The following MEX3C variants were observed in gnomAD, a reference collection of about 807,000 sequenced individuals.
MEX3C encodes mex-3 RNA binding family member C, also known as RNA-binding E3 ubiquitin-protein ligase MEX3C.
MEX3C carries 15 observed loss-of-function variants against 35.5 expected under a neutral mutation model. That is an observed-to-expected ratio of 0.42 (90% confidence interval 0.28 to 0.65). The LOEUF (loss-of-function observed/expected upper bound fraction) is 0.65. Among genes scored for constraint, MEX3C ranks in the 30% least tolerant of loss-of-function variants. The probability of loss-of-function intolerance (pLI) is 0.20; values close to 1 mark genes in which losing one functional copy is unlikely to be tolerated. For missense variants in MEX3C, 711 were observed against 842.8 expected, an observed-to-expected ratio of 0.84 and a Z score of 1.94; for synonymous variants, 390 against 352.8, an observed-to-expected ratio of 1.11 and a Z score of -1.18.
At chr18:51,181,500 A>AG (rs1912429293) in intron 1 of MEX3C, among the ~76,000 whole-genome samples, 1 of 66,368 alleles carries the variant, frequency 1.5e-5, no homozygotes, top group Non-Finnish European at 3.3e-5. Flanking sequence ...CAAAAACCTT[A>AG]CAACAATGCT....
At position 51,176,459 on chromosome 18, in the gene MEX3C, G is replaced by A. The variant is rs1421205056; in HGVS notation, c.1872C>T (p.Gly624=). The change falls in exon 2 of 2, where the codon GGC becomes GGT. Residue 624 remains glycine, a synonymous_variant. Transcript: ENST00000406189. ...CACATTCCATGCAGAAGAGGTTGTG[G>A]CCACATGGAACTAGGGCAGCAATAA... is the stretch of plus-strand genomic sequence containing the variant. ...NEVIAALVPC[G]HNLFCMECAN... 1 of 1,613,938 alleles carries A rather than the reference G, an allele frequency of 6.2e-7. No homozygotes were observed. Among genetic ancestry groups the A allele is most frequent in the South Asian group, 1.1e-5 (1 of 91,068 alleles).
At position 51,175,233 on chromosome 18, in the gene MEX3C, G is replaced by A. The variant is rs760273836; in HGVS notation, c.*1118C>T. The A allele has an allele frequency of 1.9e-4, 29 of 152,528 alleles. No homozygotes were observed. The highest frequency in any genetic ancestry group is 3.4e-4 in the Non-Finnish European group (23 of 68,008). 9.4% of individuals were successfully genotyped at this position (152,528 alleles called of 1,614,324 possible). A position where few individuals can be genotyped will look rare whatever the true frequency, so the allele number is the denominator to read the frequency against. On this transcript the variant is annotated 3_prime_UTR_variant, in exon 2 of 2. Transcript: ENST00000406189. ...TAGTAGAAAAACCCACTAGTATAAT[G>A]TTTTGTCCTTTCAATGCCAGCACAG...
At chr18:51,188,189 A>T (rs373698378) in intron 1 of MEX3C, among the ~76,000 whole-genome samples, 1 of 152,196 alleles carries the variant, frequency 6.6e-6, no homozygotes, top group Non-Finnish European at 1.5e-5. Context: ...ACCTTCATTT[A>T]TGTGATTTTA....
intron 1 of MEX3C, among the ~76,000 whole-genome samples, chr18:51,181,975 C>T (rs1344035218): frequency 1.3e-5 from 2 of 151,990 alleles, no homozygotes; most frequent in East Asian, 1.9e-4. Flanking sequence ...TTACAGTAGC[C>T]CCCCTCCCTT....
At chr18:51,190,629 G>C (rs1037532010) in intron 1 of MEX3C, among the ~76,000 whole-genome samples, 1 of 152,182 alleles carries the variant, frequency 6.6e-6, no homozygotes, top group South Asian at 2.1e-4. Flanking sequence ...ACAAACACTT[G>C]AAGTGTCCTT....
Position 51,176,322 on chromosome 18 carries a change from A to T in MEX3C, c.*29T>A, listed in dbSNP as rs1388709221. ...CCCATGCCTTTACGAGTCCATATAGAGATATAGTATTTATGTATATATATA... is the reference window on the plus strand; with the variant it reads ...CCCATGCCTTTACGAGTCCATATAGTGATATAGTATTTATGTATATATATA... On this transcript the variant is annotated 3_prime_UTR_variant, in exon 2 of 2. Coordinates refer to ENST00000406189, the MANE Select transcript of MEX3C (RefSeq NM_016626.5). 1 of 1,551,752 alleles carries T rather than the reference A, an allele frequency of 6.4e-7. No individual in the cohort carries two copies. Among genetic ancestry groups the T allele is most frequent in the African/African-American group, 1.4e-5 (1 of 72,060 alleles).
rs987495664 is a variant in MEX3C at position 51,197,139 on chromosome 18, C to A, written c.182G>T (p.Ser61Ile). 2.4e-5 allele frequency: 26 copies of A among 1,079,316 alleles called. No homozygotes were observed. Among genetic ancestry groups the A allele is most frequent in the Non-Finnish European group, 2.2e-5 (20 of 895,352 alleles). The allele number at this position is 1,079,316 out of a possible 1,614,324, so 66.9% of individuals were successfully genotyped here. ...CGCCGGGGCGCCGGGCTCCGCCGGG[C>A]TGGGGTCGTCGAGGCCTAGCGCGGC... Reference protein sequence around the residue: ...RLAALGLDDPSPAEPGAPALR... With the variant: ...RLAALGLDDPIPAEPGAPALR... Residue 61 changes from serine to isoleucine, a missense_variant, in exon 1 of 2, where the codon AGC becomes ATC. Around this residue, in one of 4 missense-constraint regions of MEX3C, gnomAD observed 354 missense variants for 311.6 expected, o/e 1.14. Coordinates refer to ENST00000406189, the MANE Select transcript of MEX3C (RefSeq NM_016626.5).
At chr18:51,182,113 A>G (rs1214699488) in intron 1 of MEX3C, among the ~76,000 whole-genome samples, 1 of 152,236 alleles carries the variant, frequency 6.6e-6, no homozygotes, top group Non-Finnish European at 1.5e-5. Flanking sequence ...CTTTTATTAC[A>G]GTATATTGTT....
Position 51,175,141 on chromosome 18 carries a change from T to C in MEX3C, c.*1210A>G, listed in dbSNP as rs940426505. On this transcript the variant is annotated 3_prime_UTR_variant, in exon 2 of 2. Coordinates refer to ENST00000406189, the MANE Select transcript of MEX3C (RefSeq NM_016626.5). ...TATTTACTATTGAATACACATAGGATTTCAATTTTCATTATACCGAGAAAA... is the reference window on the plus strand; with the variant it reads ...TATTTACTATTGAATACACATAGGACTTCAATTTTCATTATACCGAGAAAA... 1 of 152,534 alleles carries C rather than the reference T, an allele frequency of 6.6e-6. No individual in the cohort carries two copies. Among genetic ancestry groups the C allele is most frequent in the African/African-American group, 2.4e-5 (1 of 41,420 alleles). 9.4% of individuals were successfully genotyped at this position (152,534 alleles called of 1,614,324 possible). A position where few individuals can be genotyped will look rare whatever the true frequency, so the allele number is the denominator to read the frequency against.
chr18:51,183,055 A>G (rs922830110), intron 1 of MEX3C, among the ~76,000 whole-genome samples: 2 of 152,186 alleles, frequency 1.3e-5, no homozygotes, highest in Admixed American at 6.5e-5. Flanking sequence ...TATTGAGAAA[A>G]CCTGGGTTTA....
intron 1 of MEX3C, among the ~76,000 whole-genome samples, chr18:51,179,690 A>G (rs1173144676): frequency 6.6e-6 from 1 of 152,248 alleles, no homozygotes; most frequent in Non-Finnish European, 1.5e-5. Context: ...TTAGAAGAAC[A>G]GAGAGTACAA....
chr18:51,185,778 G>C (rs970001850), intron 1 of MEX3C, among the ~76,000 whole-genome samples: 36 of 152,064 alleles, frequency 2.4e-4, no homozygotes, highest in Non-Finnish European at 2.9e-5. Context: ...ATCAAGTAAG[G>C]GCTGAGTGTG....
In MEX3C at chr18:51,175,719, T is replaced by G. The variant is rs1046537800; in HGVS notation, c.*632A>C. ...TCCTGATCCACTGATCATACCAGCC[T>G]TGAGCACTCTGGGCGAGATGAAAGT... On this transcript the variant is annotated 3_prime_UTR_variant, in exon 2 of 2. Transcript: ENST00000406189. The G allele has an allele frequency of 3.3e-5, 5 of 152,560 alleles. No homozygotes were observed. The highest frequency in any genetic ancestry group is 1.2e-4 in the African/African-American group (5 of 41,430). The allele number at this position is 152,560 out of a possible 1,614,324, so 9.5% of individuals were successfully genotyped here. A position where few individuals can be genotyped will look rare whatever the true frequency, so the allele number is the denominator to read the frequency against.
Position 51,176,829 on chromosome 18 carries a change from G to A in MEX3C, c.1502C>T (p.Ser501Phe). ...GATAGTTTGAGCAGATGTTGGTAAA[G>A]AGTCAAAGGCAGGAGAGTCAACTGC... ...DLAVDSPAFD[S>F]LPTSAQTIWT... The change falls in exon 2 of 2, where the codon TCT becomes TTT. Residue 501 changes from serine (S) to phenylalanine (F), a missense_variant. This residue lies in a region of MEX3C where 187 missense variants were observed against 201.7 expected (regional missense o/e 0.93). Coordinates refer to ENST00000406189, the MANE Select transcript of MEX3C (RefSeq NM_016626.5). The A allele has an allele frequency of 2.5e-6, 4 of 1,614,006 alleles. No individual in the cohort carries two copies. The highest frequency in any genetic ancestry group is 1.7e-6 in the Non-Finnish European group (2 of 1,179,884).
chr18:51,174,895 A>G lies in MEX3C; in HGVS notation c.*1456T>C, dbSNP rs940382862. ...GCAGTGTACAATGCAACAAAATACAAAATACATGCTTGGTGAACATTCGTT... is the reference window on the plus strand; with the variant it reads ...GCAGTGTACAATGCAACAAAATACAGAATACATGCTTGGTGAACATTCGTT... On this transcript the variant is annotated 3_prime_UTR_variant, in exon 2 of 2. Transcript: ENST00000406189. 2.6e-5 allele frequency: 4 copies of G among 152,658 alleles called. No homozygotes were observed. Among genetic ancestry groups the G allele is most frequent in the African/African-American group, 9.6e-5 (4 of 41,460 alleles). The allele number at this position is 152,658 out of a possible 1,614,324, so 9.5% of individuals were successfully genotyped here. A position where few individuals can be genotyped will look rare whatever the true frequency, so the allele number is the denominator to read the frequency against.
At chr18:51,196,269 T>G in intron 1 of MEX3C, 1 of 526,104 alleles carries the variant, frequency 1.9e-6, no homozygotes. Context: ...TCACTGAGGT[T>G]TCTGGTGCCA....
intron 1 of MEX3C, among the ~76,000 whole-genome samples, chr18:51,179,809 T>C (rs1912386302): frequency 6.6e-6 from 1 of 152,320 alleles, no homozygotes; most frequent in African/African-American, 2.4e-5. Flanking sequence ...CACTTTCTAT[T>C]GATGCTTAAG....
chr18:51,181,924 T>C (rs756365031), intron 1 of MEX3C, among the ~76,000 whole-genome samples: 1 of 152,228 alleles, frequency 6.6e-6, no homozygotes, highest in Non-Finnish European at 1.5e-5. Context: ...TCTTAGCATA[T>C]TGATTAGACG....
chr18:51,178,620 G>A (rs1912354444), intron 1 of MEX3C, among the ~76,000 whole-genome samples: 1 of 151,562 alleles, frequency 6.6e-6, no homozygotes, highest in Non-Finnish European at 1.5e-5. Context: ...GGAGGGTGAG[G>A]CAGGTGGATA....
Sources: allele counts gnomAD v4.1 joint callset (sites outside exome capture counted in the v4.1 genomes callset), GRCh38; gene constraint gnomAD v4.1.1; regional missense constraint gnomAD v4.1.1; transcripts MANE v1.5; gene names NCBI Gene and HGNC (gene_info 2026-07-23, HGNC 2026-07-21).